JPH1: variants seen among roughly 807,000 people sequenced by gnomAD.
JPH1 encodes the protein junctophilin 1.
A neutral mutation model predicts 53.6 loss-of-function variants in JPH1; 12 were observed. The observed-to-expected ratio is 0.22, with a 90% CI of 0.14 to 0.36. The LOEUF is 0.36. Ranked by LOEUF, JPH1 falls within the 10% of genes least tolerant of loss-of-function variation. JPH1 has a pLI of 1.00. For synonymous variants in JPH1, 375 were observed against 363.8 expected (o/e 1.03, Z -0.35); for missense variants, 808 against 905.5 (o/e 0.89, Z 1.38).
chr8:74,292,466 C>A (rs1807362610), intron 2 of JPH1, among the ~76,000 whole-genome samples: 1 of 152,160 alleles, frequency 6.6e-6, no homozygotes, highest in Admixed American at 6.5e-5. Flanking sequence ...ACTTCTAGCT[C>A]CCTGTGTTTC....
Position 74,306,350 on chromosome 8 carries a change from A to G in JPH1, c.1139+8511T>C, listed in dbSNP as rs140533537. 5.1e-3 allele frequency among the ~76,000 whole-genome samples: 779 copies of G among 152,296 alleles called. 3 individuals carry two copies. The highest frequency in any genetic ancestry group is 0.018 in the African/African-American group (737 of 41,550). ...ATTGCTCCTGGGCCCCTTGATATGG[A>G]CAATCATGTCTTTCTTTAAAGAGCC... On this transcript the variant is annotated intron_variant, in intron 2 of 5. Transcript: ENST00000342232.
chr8:74,257,555 T>C (rs940172930), intron 3 of JPH1, among the ~76,000 whole-genome samples: 6 of 152,132 alleles, frequency 3.9e-5, no homozygotes, highest in Non-Finnish European at 8.8e-5. Flanking sequence ...GCAGCACTGC[T>C]AGGGAGGAGA....
intron 4 of JPH1, among the ~76,000 whole-genome samples, chr8:74,238,461 C>T (rs572062467): frequency 4.3e-4 from 66 of 152,180 alleles, no homozygotes; most frequent in African/African-American, 1.4e-3. Context: ...TATCACAAGG[C>T]GTTTCACACT....
intron 2 of JPH1, among the ~76,000 whole-genome samples, chr8:74,297,964 C>T (rs966196846): frequency 3.9e-5 from 6 of 152,146 alleles, no homozygotes; most frequent in African/African-American, 4.8e-5. Context: ...AATAGTAGCA[C>T]AAAAATAATT....
Position 74,321,289 on chromosome 8 carries a change from C to CG in JPH1, c.-3dup, listed in dbSNP as rs757438345. The CG allele has an allele frequency of 3.8e-6, 6 of 1,559,404 alleles. No individual in the cohort carries two copies. The highest frequency in any genetic ancestry group is 5.2e-6 in the Non-Finnish European group (6 of 1,152,856). ...GAAGTCGAACCTTCCGCCCGTCATT[C>CG]GGGGGGCAGCCCCGGCGCGCTCCCC... On this transcript the variant is annotated 5_prime_UTR_variant, in exon 1 of 6. Coordinates refer to ENST00000342232, the MANE Select transcript of JPH1 (RefSeq NM_020647.4). The surrounding 1 kb of genome is among the most constrained non-coding windows in gnomAD (Gnocchi z 4.3).
intron 2 of JPH1, among the ~76,000 whole-genome samples, chr8:74,289,175 C>T (rs1269457020): frequency 6.6e-6 from 1 of 152,166 alleles, no homozygotes; most frequent in Non-Finnish European, 1.5e-5. Context: ...CTATAGAAAC[C>T]TTCCTGTTTT....
At chr8:74,277,235 T>G (rs529975451) in intron 2 of JPH1, among the ~76,000 whole-genome samples, 2 of 152,196 alleles carry the variant, frequency 1.3e-5, no homozygotes, top group Non-Finnish European at 2.9e-5. Flanking sequence ...GTCCCCGCTG[T>G]GCTCCCGCCA....
chr8:74,269,143 C>T (rs138699502), intron 2 of JPH1, among the ~76,000 whole-genome samples: 94 of 152,330 alleles, frequency 6.2e-4, no homozygotes, highest in African/African-American at 2.0e-3. Context: ...TCTGCTACCT[C>T]ACTTTGTTCT....
intron 1 of JPH1, among the ~76,000 whole-genome samples, chr8:74,318,838 T>TA (rs2131470218): frequency 6.6e-6 from 1 of 152,306 alleles, no homozygotes; most frequent in South Asian, 2.1e-4. Context: ...TTGTATGAAA[T>TA]AAGTTACAGC....
chr8:74,313,487 T>C (rs1208860996), intron 2 of JPH1, among the ~76,000 whole-genome samples: 1 of 151,480 alleles, frequency 6.6e-6, no homozygotes, highest in Non-Finnish European at 1.5e-5. Flanking sequence ...ATAATATATA[T>C]CTAAAAGTAA....
At chr8:74,298,399 T>G (rs1450074720) in intron 2 of JPH1, among the ~76,000 whole-genome samples, 2 of 152,170 alleles carry the variant, frequency 1.3e-5, no homozygotes, top group Non-Finnish European at 2.9e-5. Context: ...TTTATTCATG[T>G]CCTTTATGAT....
At chr8:74,241,020 G>A (rs774611819) in intron 4 of JPH1, among the ~76,000 whole-genome samples, 2 of 152,128 alleles carry the variant, frequency 1.3e-5, no homozygotes, top group Non-Finnish European at 2.9e-5. Context: ...GTGAATGAGT[G>A]CTTTATCCAA....
chr8:74,248,760 G>T (rs764021590), intron 3 of JPH1, among the ~76,000 whole-genome samples: 1 of 152,192 alleles, frequency 6.6e-6, no homozygotes, highest in Non-Finnish European at 1.5e-5. Context: ...ATTTTCTCTT[G>T]GAAGGCACAT....
At chr8:74,309,660 G>A (rs1035068437) in intron 2 of JPH1, among the ~76,000 whole-genome samples, 14 of 152,222 alleles carry the variant, frequency 9.2e-5, no homozygotes, top group Non-Finnish European at 1.6e-4. Flanking sequence ...GACAAGAGTC[G>A]ATGGAGTAAA....
At chr8:74,289,968 T>C (rs563088413) in intron 2 of JPH1, among the ~76,000 whole-genome samples, 5 of 152,294 alleles carry the variant, frequency 3.3e-5, no homozygotes, top group African/African-American at 1.2e-4. Flanking sequence ...TGGATTTGGT[T>C]TGCCAGTATT....
At chr8:74,283,324 T>G (rs891053134) in intron 2 of JPH1, among the ~76,000 whole-genome samples, 3 of 152,048 alleles carry the variant, frequency 2.0e-5, no homozygotes, top group African/African-American at 7.2e-5. Flanking sequence ...TTATATAAAT[T>G]AAAAATATAG....
At chr8:74,257,074 C>T (rs955142264) in intron 3 of JPH1, among the ~76,000 whole-genome samples, 9 of 152,158 alleles carry the variant, frequency 5.9e-5, no homozygotes, top group South Asian at 2.1e-4. Context: ...ATGAGTTATG[C>T]TCCCTTAAGA....
At chr8:74,283,411 G>A (rs985045837) in intron 2 of JPH1, among the ~76,000 whole-genome samples, 1 of 152,076 alleles carries the variant, frequency 6.6e-6, no homozygotes. Context: ...TTATAGAGGG[G>A]AATGGGAAAA....
rs768459829 is a variant in JPH1 at position 74,314,823 on chromosome 8, A to T, written c.1139+38T>A. The stretch of plus-strand genomic sequence containing the variant: ...TAATATTTGATACTCCATTGTTCTG[A>T]CCAACCCAGCAAAACCAACCACCCT... On this transcript the variant is annotated intron_variant, in intron 2 of 5. Coordinates refer to ENST00000342232, the MANE Select transcript of JPH1 (RefSeq NM_020647.4). 1.9e-6 allele frequency: 3 copies of T among 1,611,014 alleles called. No individual in the cohort carries two copies. In the African/African-American group the frequency reaches 4.0e-5, roughly 22 times the overall value.
Sources: gnomAD v4.1 joint callset for allele counts (sites outside exome capture counted in the v4.1 genomes callset) on GRCh38, gnomAD v4.1.1 for gene constraint, Gnocchi (gnomAD v3.1) non-coding constraint, MANE v1.5 for transcripts, NCBI Gene and HGNC (gene_info 2026-07-23, HGNC 2026-07-21) for gene names.